GALNT1: variants seen among roughly 807,000 people sequenced by gnomAD.
GALNT1 encodes GalNAc transferase 1.
In GALNT1, 17 loss-of-function variants were observed where a neutral mutation model predicts 65.7. That is an observed-to-expected ratio of 0.26 (90% CI 0.18 to 0.39). The LOEUF (loss-of-function observed/expected upper bound fraction) is 0.39. Ranked by LOEUF, GALNT1 falls within the 10% of genes least tolerant of loss-of-function variation. The probability of loss-of-function intolerance (pLI) is 1.00; values close to 1 mark genes in which losing one functional copy is unlikely to be tolerated. For synonymous variants in GALNT1, 210 were observed against 219.7 expected (o/e 0.96, Z 0.39); for missense variants, 460 against 672.8 (o/e 0.68, Z 3.50).
At chr18:35,645,479 C>T (rs746443791) in intron 1 of GALNT1, among the ~76,000 whole-genome samples, 8 of 152,146 alleles carry the variant, frequency 5.3e-5, no homozygotes, top group Middle Eastern at 6.8e-3. Flanking sequence ...CTGATCCGCC[C>T]GTGGCCTCCC....
intron 1 of GALNT1, among the ~76,000 whole-genome samples, chr18:35,606,612 A>G (rs1009846732): frequency 6.6e-6 from 1 of 152,160 alleles, no homozygotes; most frequent in Non-Finnish European, 1.5e-5. Flanking sequence ...TCCCTTCTCT[A>G]AGGTGATACA....
intron 2 of GALNT1, among the ~76,000 whole-genome samples, chr18:35,661,426 G>C (rs927951390): frequency 6.6e-6 from 1 of 151,804 alleles, no homozygotes; most frequent in Non-Finnish European, 1.5e-5. Flanking sequence ...CTTGAATCTG[G>C]GAGACAAAGG....
intron 1 of GALNT1, among the ~76,000 whole-genome samples, chr18:35,588,908 C>T (rs2046410786): frequency 6.6e-6 from 1 of 151,990 alleles, no homozygotes; most frequent in African/African-American, 2.4e-5. Flanking sequence ...GTTGCTGCCT[C>T]CTGATGTCTT....
At chr18:35,632,815 AAT>A (rs2047032961) in intron 1 of GALNT1, among the ~76,000 whole-genome samples, 1 of 152,228 alleles carries the variant, frequency 6.6e-6, no homozygotes, top group Non-Finnish European at 1.5e-5. Flanking sequence ...ACAAAGGGCT[AAT>A]ATCCAGAATC....
chr18:35,628,212 G>A (rs568486595), intron 1 of GALNT1, among the ~76,000 whole-genome samples: 80 of 152,332 alleles, frequency 5.3e-4, no homozygotes, highest in African/African-American at 1.7e-3. Flanking sequence ...CAGCTTGGAA[G>A]AGAGTAGTGT....
At chr18:35,637,918 T>C (rs2047112440) in intron 1 of GALNT1, among the ~76,000 whole-genome samples, 1 of 152,264 alleles carries the variant, frequency 6.6e-6, no homozygotes, top group South Asian at 2.1e-4. Flanking sequence ...AAATCTATTC[T>C]GCCTCTGCTC....
At chr18:35,664,769 G>A (rs542320012) in intron 3 of GALNT1, among the ~76,000 whole-genome samples, 20 of 152,332 alleles carry the variant, frequency 1.3e-4, no homozygotes, top group African/African-American at 4.8e-4. Context: ...AATAGGTAGA[G>A]TAAGTGAACA....
intron 1 of GALNT1, among the ~76,000 whole-genome samples, chr18:35,585,372 T>C (rs924560255): frequency 3.3e-5 from 5 of 152,228 alleles, no homozygotes; most frequent in Non-Finnish European, 2.9e-5. Flanking sequence ...GCTCAAGGTC[T>C]TTCTCCTTGA....
intron 1 of GALNT1, among the ~76,000 whole-genome samples, chr18:35,627,107 T>C (rs2046928462): frequency 6.6e-6 from 1 of 152,248 alleles, no homozygotes; most frequent in African/African-American, 2.4e-5. Flanking sequence ...CACAGTGCTG[T>C]GTAGGTGTCT....
intron 6 of GALNT1, 52 bp downstream of exon 6, chr18:35,687,238 G>A: frequency 6.5e-7 from 1 of 1,542,058 alleles, no homozygotes; most frequent in Non-Finnish European, 8.8e-7. Flanking sequence ...AGAAGGTTGT[G>A]GAGCTTTGGG....
intron 5 of GALNT1, among the ~76,000 whole-genome samples, chr18:35,684,906 A>G (rs781368249): frequency 6.6e-5 from 10 of 152,206 alleles, no homozygotes; most frequent in Non-Finnish European, 1.3e-4. Context: ...GGTTAATAGC[A>G]AACACCTGTA....
chr18:35,624,223 T>A (rs1340683808), intron 1 of GALNT1, among the ~76,000 whole-genome samples: 1 of 149,562 alleles, frequency 6.7e-6, no homozygotes, highest in Non-Finnish European at 1.5e-5. Flanking sequence ...GGGTTCTCAC[T>A]TTTCTAGTAT....
chr18:35,668,612 C>T (rs1034555463), intron 3 of GALNT1, among the ~76,000 whole-genome samples: 4 of 151,942 alleles, frequency 2.6e-5, no homozygotes, highest in East Asian at 1.9e-4. Flanking sequence ...TGCCAGGGTC[C>T]GGTGGCAGGG....
In GALNT1 at chr18:35,593,916, G is replaced by A. The variant is rs2143888252; in HGVS notation, c.-104+12054G>A. Among the ~76,000 whole-genome samples, 2 of 152,014 alleles carry A rather than the reference G, an allele frequency of 1.3e-5. 1 individual carries two copies. Among genetic ancestry groups the A allele is most frequent in the South Asian group, 4.2e-4 (2 of 4,802 alleles). The stretch of plus-strand genomic sequence containing the variant: ...TAGTGACGGGGGTTTCATCATGTTG[G>A]TCAGGCTGGCCTTGAACTCCTGACC... On this transcript the variant is annotated intron_variant, in intron 1 of 11. Transcript: ENST00000269195.
At chr18:35,595,651 T>C (rs1455218037) in intron 1 of GALNT1, among the ~76,000 whole-genome samples, 1 of 152,192 alleles carries the variant, frequency 6.6e-6, no homozygotes, top group Admixed American at 6.5e-5. Flanking sequence ...AAAATACTCT[T>C]GGCAGAGTGG....
Position 35,654,724 on chromosome 18 carries a change from A to T in GALNT1, c.62A>T (p.Asp21Val). ...ACCTCCTTGATTTGGGTACTCTTGG[A>T]TATGTTCCTGCTGCTTTACTTCAGT... ...LATSLIWVLLDMFLLLYFSEC... is the reference protein window; with the variant it reads ...LATSLIWVLLVMFLLLYFSEC... Residue 21 changes from aspartate to valine, a missense_variant, in exon 2 of 12, where the codon GAT (aspartate) becomes GTT (valine). Asp to Val is a radical substitution (Grantham distance 152, BLOSUM62 -3). Coordinates refer to ENST00000269195, the MANE Select transcript of GALNT1 (RefSeq NM_020474.4). The T allele has an allele frequency of 6.3e-7, 1 of 1,580,932 alleles. No homozygotes were observed. Among genetic ancestry groups the T allele is most frequent in the Non-Finnish European group, 8.6e-7 (1 of 1,161,564 alleles).
At chr18:35,670,477 T>C (rs2047618915) in intron 3 of GALNT1, among the ~76,000 whole-genome samples, 1 of 152,176 alleles carries the variant, frequency 6.6e-6, no homozygotes, top group Non-Finnish European at 1.5e-5. Flanking sequence ...CAGAGTAAAT[T>C]CTAAAGCAAA....
Position 35,663,701 on chromosome 18 carries a change from T to G in GALNT1, c.213T>G (p.Asp71Glu), listed in dbSNP as rs139185162. The G allele has an allele frequency of 6.8e-6, 11 of 1,613,876 alleles. No individual in the cohort carries two copies. The African/African-American group carries it at 1.3e-4, about 20-fold the overall frequency. ...AACCAGTCGTCATTCCTAAAGAGGA[T>G]CAAGAAAAGATGAAAGAGATGTTTA... is the stretch of plus-strand genomic sequence containing the variant. ...MGKPVVIPKE[D>E]QEKMKEMFKI... The change falls in exon 3 of 12, where the codon GAT becomes GAG. Residue 71 changes from aspartate to glutamate, a missense_variant. Coordinates refer to ENST00000269195, the MANE Select transcript of GALNT1 (RefSeq NM_020474.4).
intron 1 of GALNT1, among the ~76,000 whole-genome samples, chr18:35,592,946 C>G (rs1240399921): frequency 6.6e-6 from 1 of 152,192 alleles, no homozygotes; most frequent in East Asian, 1.9e-4. Flanking sequence ...TGCCTACCAC[C>G]TGAAAAGTGA....
Sources: allele counts gnomAD v4.1 joint callset (sites outside exome capture counted in the v4.1 genomes callset), GRCh38; gene constraint gnomAD v4.1.1; transcripts MANE v1.5; gene names NCBI Gene and HGNC (gene_info 2026-07-23, HGNC 2026-07-21).